Variants in DAZAP1 observed in about 807,000 individuals in gnomAD.
The protein encoded by DAZAP1 is DAZ-associated protein 1.
DAZAP1 carries 6 observed loss-of-function variants against 60.1 expected under a neutral mutation model. That is an observed-to-expected ratio of 0.10 (90% CI 0.05 to 0.20). The LOEUF (loss-of-function observed/expected upper bound fraction) is 0.20, where lower values mean the gene tolerates loss of function less well. Among genes scored for constraint, DAZAP1 ranks in the 10% least tolerant of loss-of-function variants. The probability of loss-of-function intolerance (pLI) is 1.00; values close to 1 mark genes in which losing one functional copy is unlikely to be tolerated. For missense variants in DAZAP1, 366 were observed against 560.4 expected (o/e 0.65, Z 3.50); for synonymous variants, 235 against 215.9 (o/e 1.09, Z -0.78).
chr19:1,408,880 G>T (rs2082743482), intron 1 of DAZAP1, among the ~76,000 whole-genome samples: 1 of 152,194 alleles, frequency 6.6e-6, no homozygotes, highest in South Asian at 2.1e-4. Context: ...AACAGTCTGG[G>T]TTGGGTTTCC....
At position 1,432,342 on chromosome 19, in the gene DAZAP1, G is replaced by A. The variant is rs552942955; in HGVS notation, c.872-172G>A. The stretch of plus-strand genomic sequence containing the variant: ...GTGTGTTTCCTGGGGGGAGCGGCCC[G>A]GGACCGTGGCTCTGTGGTCCATTCT... On this transcript the variant is annotated intron_variant, in intron 10 of 11. Transcript: ENST00000233078. This position sits in a 1 kb window ranked among gnomAD's most constrained non-coding sequence, Gnocchi z 4.9. 4.3e-4 allele frequency: 306 copies of A among 705,650 alleles called. No homozygotes were observed. The highest frequency in any genetic ancestry group is 2.4e-3 in the African/African-American group (138 of 56,816). 43.7% of individuals were successfully genotyped at this position (705,650 alleles called of 1,614,324 possible).
chr19:1,420,854 T>C (rs571906547), intron 4 of DAZAP1, among the ~76,000 whole-genome samples: 1 of 152,300 alleles, frequency 6.6e-6, no homozygotes, highest in Admixed American at 6.5e-5. Flanking sequence ...CACGTGGCAG[T>C]GGTTGTAATT....
chr19:1,417,375 C>G, intron 1 of DAZAP1, 125 bp from the exon 2 acceptor site: 1 of 1,043,260 alleles, frequency 9.6e-7, no homozygotes, highest in South Asian at 1.4e-5. Context: ...TATGCCGTCA[C>G]GTGCACAAGG....
chr19:1,430,023 C>G, intron 9 of DAZAP1, 27 bp downstream of exon 9: 1 of 1,575,088 alleles, frequency 6.3e-7, no homozygotes, highest in Non-Finnish European at 8.6e-7. Context: ...AGAGCAAAGG[C>G]GGGGACAGAA....
intron 5 of DAZAP1, among the ~76,000 whole-genome samples, chr19:1,421,887 C>T (rs969293349): frequency 5.3e-5 from 8 of 152,176 alleles, no homozygotes; most frequent in African/African-American, 9.7e-5. Context: ...GAGGCCTGAG[C>T]GGGGCCTGGA....
Position 1,425,821 on chromosome 19 carries a change from A to G in DAZAP1, c.464-57A>G. The G allele has an allele frequency of 8.3e-7, 1 of 1,197,758 alleles. No individual in the cohort carries two copies. The highest frequency in any genetic ancestry group is 1.2e-6 in the Non-Finnish European group (1 of 800,628). 74.2% of individuals were successfully genotyped at this position (1,197,758 alleles called of 1,614,324 possible). A position where few individuals can be genotyped will look rare whatever the true frequency, so the allele number is the denominator to read the frequency against. On this transcript the variant is annotated intron_variant, in intron 6 of 11. Coordinates refer to ENST00000233078, the MANE Select transcript of DAZAP1 (RefSeq NM_018959.4). This position sits in a 1 kb window ranked among gnomAD's most constrained non-coding sequence, Gnocchi z 5.4. The stretch of plus-strand genomic sequence containing the variant: ...CGGCCCGTCCCTAATACTGTTCATC[A>G]TCCTGTTTTGTGTCACAACACCCTG...
rs904303305 is a variant in DAZAP1, at chr19:1,433,792, A to G, written c.1049-945A>G. The G allele has an allele frequency of 6.2e-7, 1 of 1,613,966 alleles. No individual in the cohort carries two copies. The highest frequency in any genetic ancestry group is 1.7e-5 in the Admixed American group (1 of 60,018). ...GGGCTGCGGCCCACACTTTGTTTAC[A>G]GTCTTATGGTCAGGCTGAGCAGTGA... is the stretch of plus-strand genomic sequence containing the variant. On this transcript the variant is annotated intron_variant, in intron 11 of 11. Transcript: ENST00000233078. This position sits in a 1 kb window ranked among gnomAD's most constrained non-coding sequence, Gnocchi z 6.1.
chr19:1,428,886 G>T lies in DAZAP1; in HGVS notation c.591G>T (p.Ala197=), dbSNP rs200285047. The change falls in exon 8 of 12, where the codon GCG becomes GCT. Residue 197 remains alanine, a synonymous_variant. Transcript: ENST00000233078. The surrounding 1 kb of genome is among the most constrained non-coding windows in gnomAD (Gnocchi z 4.0). ...AGCCTCGGGACAGCAAGAGCCAAGC[G>T]CCGGGACAGCCAGGTGCCAGCCAGT... ...RAEPRDSKSQ[A]PGQPGASQWG... 1.2e-6 allele frequency: 2 copies of T among 1,613,058 alleles called. No homozygotes were observed. The highest frequency in any genetic ancestry group is 1.7e-5 in the Admixed American group (1 of 60,018).
At chr19:1,408,486 C>T (rs1391214780) in intron 1 of DAZAP1, among the ~76,000 whole-genome samples, 1 of 152,220 alleles carries the variant, frequency 6.6e-6, no homozygotes, top group Non-Finnish European at 1.5e-5. Context: ...TCCGGTTCTG[C>T]CACCGCCCAA....
rs1600254379 is a variant in DAZAP1, at chr19:1,433,556, C to G, written c.1048+866C>G. 3 of 590,674 alleles carry G rather than the reference C, an allele frequency of 5.1e-6. No homozygotes were observed. The highest frequency in any genetic ancestry group is 1.9e-5 in the African/African-American group (1 of 53,374). The allele number at this position is 590,674 out of a possible 1,614,324, so 36.6% of individuals were successfully genotyped here. On this transcript the variant is annotated intron_variant, in intron 11 of 11. Transcript: ENST00000233078. The surrounding 1 kb of genome is among the most constrained non-coding windows in gnomAD (Gnocchi z 6.1). ...CGCATGGCTGTGGTTCCCCTGCCCC[C>G]ACGCCCAGGCCTTGGGCCGAGGTTG...
intron 4 of DAZAP1, among the ~76,000 whole-genome samples, chr19:1,419,216 C>T (rs1007143917): frequency 3.9e-5 from 6 of 152,236 alleles, no homozygotes; most frequent in Admixed American, 3.3e-4. Context: ...CATGGGGTCT[C>T]CTTGGCATTT....
In DAZAP1 at chr19:1,429,544, G is replaced by A. The variant is rs114728270; in HGVS notation, c.701-423G>A. Among the ~76,000 whole-genome samples the A allele has an allele frequency of 7.1e-3, 1,078 of 152,282 alleles. 9 individuals are homozygous for A. The highest frequency in any genetic ancestry group is 0.025 in the African/African-American group (1,032 of 41,542). ...TGGGTCAGGGTTCCAGATGTACGTC[G>A]TCCGGGTCCCGAGACTGTGGCTTCC... On this transcript the variant is annotated intron_variant, in intron 8 of 11. Coordinates refer to ENST00000233078, the MANE Select transcript of DAZAP1 (RefSeq NM_018959.4).
Position 1,433,657 on chromosome 19 carries a change from C to T in DAZAP1, c.1048+967C>T. 8.3e-7 allele frequency: 1 copy of T among 1,198,546 alleles called. No individual in the cohort carries two copies. The highest frequency in any genetic ancestry group is 1.2e-5 in the South Asian group (1 of 80,620). 74.2% of individuals were successfully genotyped at this position (1,198,546 alleles called of 1,614,324 possible). ...AGACTGGCAGGGGGGTGTGAGGCGC[C>T]CGGTTGGGGCGTGGCGTGTGTCAGC... On this transcript the variant is annotated intron_variant, in intron 11 of 11. Transcript: ENST00000233078. The surrounding 1 kb of genome is among the most constrained non-coding windows in gnomAD (Gnocchi z 6.1).
In DAZAP1 at chr19:1,421,213, T is replaced by G. The variant is rs370202308; in HGVS notation, c.369T>G (p.Asn123Lys). 1 of 1,613,990 alleles carries G rather than the reference T, an allele frequency of 6.2e-7. No individual in the cohort carries two copies. Reference sequence around the variant, plus strand: ...TATTTGTCGGTGGAATTCCTCACAATTGTGGTGAGACAGAGCTCAGGGAAT... The same window carrying G: ...TATTTGTCGGTGGAATTCCTCACAAGTGTGGTGAGACAGAGCTCAGGGAAT... ...NKIFVGGIPH[N>K]CGETELREYF... is the part of the protein sequence containing the mutation. The change falls in exon 5 of 12, where the codon AAT becomes AAG. Residue 123 changes from asparagine (N) to lysine (K), a missense_variant. Asn to Lys is a moderately conservative substitution (Grantham distance 94). Around this residue, in one of 3 missense-constraint regions of DAZAP1, gnomAD observed 28 missense variants for 96.3 expected, o/e 0.29. Transcript: ENST00000233078.
At chr19:1,412,739 G>T (rs1250050591) in intron 1 of DAZAP1, among the ~76,000 whole-genome samples, 1 of 152,202 alleles carries the variant, frequency 6.6e-6, no homozygotes, top group Non-Finnish European at 1.5e-5. Context: ...ATCCAAAACG[G>T]CTTTTGCTTT....
chr19:1,431,256 G>C (rs1433240418), intron 10 of DAZAP1, among the ~76,000 whole-genome samples: 2 of 151,552 alleles, frequency 1.3e-5, no homozygotes, highest in East Asian at 3.9e-4. Flanking sequence ...AGTCTCCTGA[G>C]TAGCTGGGAC....
At chr19:1,427,607 AC>A (rs1429373498) in intron 7 of DAZAP1, 1 of 152,234 alleles carries the variant, frequency 6.6e-6, no homozygotes, top group South Asian at 2.1e-4. Context: ...TTTTTAAAGT[AC>A]AAGGACCGCT....
At position 1,416,060 on chromosome 19, in the gene DAZAP1, C is replaced by CT. The variant is rs2082975496; in HGVS notation, c.30-1439dup. 1 of 152,194 alleles carries CT rather than the reference C, an allele frequency of 6.6e-6. No individual in the cohort carries two copies. Among genetic ancestry groups the CT allele is most frequent in the Non-Finnish European group, 1.5e-5 (1 of 68,046 alleles). 9.4% of individuals were successfully genotyped at this position (152,194 alleles called of 1,614,324 possible). On this transcript the variant is annotated intron_variant, in intron 1 of 11. Transcript: ENST00000233078. This position sits in a 1 kb window ranked among gnomAD's most constrained non-coding sequence, Gnocchi z 4.3. Reference sequence around the variant, plus strand: ...TGGCAGACACTTCACCAGGGGCTGACTCGCGGGGGCTGAGTGTACAGGCCC... The same window carrying CT: ...TGGCAGACACTTCACCAGGGGCTGACTTCGCGGGGGCTGAGTGTACAGGCCC...
chr19:1,410,839 C>T (rs1297903590), intron 1 of DAZAP1, among the ~76,000 whole-genome samples: 1 of 152,202 alleles, frequency 6.6e-6, no homozygotes, highest in Admixed American at 6.5e-5. Flanking sequence ...AATGGTAAGA[C>T]AGGGACACCT....
Sources: allele counts gnomAD v4.1 joint callset (sites outside exome capture counted in the v4.1 genomes callset), GRCh38; gene constraint gnomAD v4.1.1; regional missense constraint gnomAD v4.1.1; non-coding constraint Gnocchi (gnomAD v3.1); transcripts MANE v1.5; gene names NCBI Gene and HGNC (gene_info 2026-07-23, HGNC 2026-07-21).